The following CDH18 variants were observed in gnomAD, a reference collection of about 807,000 sequenced individuals.
CDH18 encodes cadherin-18.
CDH18 carries 31 observed loss-of-function variants against 67.9 expected under a neutral mutation model. The ratio of observed to expected loss-of-function variants is 0.46; its 90% CI spans 0.34 to 0.62. The LOEUF is 0.62. CDH18 is among the 20% of genes least tolerant of loss of function. CDH18 has a pLI of 0.01. For missense variants in CDH18, 890 were observed against 975.5 expected, an observed-to-expected ratio of 0.91 and a Z score of 1.17; for synonymous variants, 362 against 347.2, an observed-to-expected ratio of 1.04 and a Z score of -0.48.
chr5:19,489,305 T>C (rs1249808692), intron 11 of CDH18, among the ~76,000 whole-genome samples: 1 of 149,392 alleles, frequency 6.7e-6, no homozygotes, highest in Non-Finnish European at 1.5e-5. Context: ...TGGAGTGCAG[T>C]GGTGCAATCT....
At chr5:19,474,786 T>A (rs865927241) in intron 12 of CDH18, among the ~76,000 whole-genome samples, 1 of 152,122 alleles carries the variant, frequency 6.6e-6, no homozygotes, top group Non-Finnish European at 1.5e-5. Context: ...TCTTGCTAAA[T>A]ATGGTGGATT....
intron 1 of CDH18, among the ~76,000 whole-genome samples, chr5:20,529,537 C>T (rs1054415644): frequency 8.6e-5 from 13 of 152,038 alleles, no homozygotes; most frequent in Non-Finnish European, 1.5e-4. Context: ...AAAGCTTATC[C>T]ACCACAATCA....
In CDH18 at chr5:19,667,507, TAC is replaced by T. The variant is rs35326145; in HGVS notation, c.643+53838_643+53839del. Among the ~76,000 whole-genome samples, 911 of 129,234 alleles carry T rather than the reference TAC, an allele frequency of 7.0e-3. 10 individuals carry two copies. The highest frequency in any genetic ancestry group is 0.024 in the African/African-American group (783 of 32,782). 84.8% of individuals were successfully genotyped at this position (129,234 alleles called of 152,430 possible). A position where few individuals can be genotyped will look rare whatever the true frequency, so the allele number is the denominator to read the frequency against. On this transcript the variant is annotated intron_variant, in intron 5 of 12. Coordinates refer to ENST00000382275, the MANE Select transcript of CDH18 (RefSeq NM_004934.5). ...TATATATGTTATATATATATATATA[TAC>T]ACACACACACACACACACACATACA...
intron 11 of CDH18, among the ~76,000 whole-genome samples, chr5:19,483,773 A>T (rs938961580): frequency 2.2e-4 from 33 of 152,204 alleles, no homozygotes; most frequent in African/African-American, 7.7e-4. Context: ...AAGATGAAAG[A>T]AAATAGTGGG....
At chr5:20,567,738 T>A (rs1012898987) in intron 1 of CDH18, among the ~76,000 whole-genome samples, 34 of 152,248 alleles carry the variant, frequency 2.2e-4, no homozygotes, top group African/African-American at 7.9e-4. Context: ...AGAGCCTCAG[T>A]CCCAGTCCAG....
At chr5:20,453,279 G>A (rs1173755776) in intron 1 of CDH18, among the ~76,000 whole-genome samples, 4 of 152,082 alleles carry the variant, frequency 2.6e-5, no homozygotes, top group Non-Finnish European at 4.4e-5. Flanking sequence ...AAGCTGCCCC[G>A]TCACTTTTAT....
intron 1 of CDH18, among the ~76,000 whole-genome samples, chr5:20,481,806 A>G (rs551458175): frequency 6.6e-6 from 1 of 152,178 alleles, no homozygotes; most frequent in South Asian, 2.1e-4. Flanking sequence ...TGACAGTAGG[A>G]CTAAGAGGAA....
intron 3 of CDH18, among the ~76,000 whole-genome samples, chr5:19,762,763 A>T (rs1361299025): frequency 1.3e-5 from 2 of 152,194 alleles, no homozygotes; most frequent in African/African-American, 4.8e-5. Flanking sequence ...CACCCAAAGG[A>T]TTATAAATCA....
intron 6 of CDH18, among the ~76,000 whole-genome samples, chr5:19,607,987 G>T (rs1580464786): frequency 6.6e-6 from 1 of 151,242 alleles, no homozygotes; most frequent in East Asian, 1.9e-4. Context: ...GCATCCAATA[G>T]CATGGTTTAA....
intron 2 of CDH18, among the ~76,000 whole-genome samples, chr5:20,081,042 T>C (rs1744426991): frequency 6.6e-6 from 1 of 152,130 alleles, no homozygotes; most frequent in African/African-American, 2.4e-5. Flanking sequence ...TATCACCAAG[T>C]ACTATGGCTG....
intron 2 of CDH18, among the ~76,000 whole-genome samples, chr5:20,254,266 C>T (rs1291836203): frequency 6.6e-6 from 1 of 152,096 alleles, no homozygotes; most frequent in African/African-American, 2.4e-5. Flanking sequence ...GCACGTGCCA[C>T]CACACCTAGC....
At chr5:19,629,352 G>T (rs1752064014) in intron 5 of CDH18, among the ~76,000 whole-genome samples, 1 of 152,106 alleles carries the variant, frequency 6.6e-6, no homozygotes, top group Non-Finnish European at 1.5e-5. Context: ...AAGTCTGATG[G>T]AAAGTTGAAC....
intron 6 of CDH18, among the ~76,000 whole-genome samples, chr5:19,595,778 A>T (rs570041404): frequency 6.6e-6 from 1 of 152,354 alleles, no homozygotes; most frequent in South Asian, 2.1e-4. Flanking sequence ...TTTCATAAGC[A>T]TTGGAGAATA....
chr5:20,063,832 T>TA (rs1438713994), intron 2 of CDH18, among the ~76,000 whole-genome samples: 1 of 152,160 alleles, frequency 6.6e-6, no homozygotes, highest in Non-Finnish European at 1.5e-5. Flanking sequence ...AGCATGGAGC[T>TA]AGCCCCAAAC....
In CDH18 at chr5:20,255,435, A is replaced by C. The variant is rs541775561; in HGVS notation, c.-518+9T>G. The stretch of plus-strand genomic sequence containing the variant: ...ATTAATAATTTATAAGAGAAAGTAT[A>C]AGTTTTACCTTTTAAATCACTTCAG... On this transcript the variant is annotated intron_variant, in intron 2 of 14. Coordinates refer to the CDH18 transcript ENST00000507958. The C allele has an allele frequency of 1.4e-4, 22 of 152,254 alleles. No homozygotes were observed. The South Asian group carries it at 4.3e-3, about 30-fold the overall frequency. 9.4% of individuals were successfully genotyped at this position (152,254 alleles called of 1,614,324 possible). A position where few individuals can be genotyped will look rare whatever the true frequency, so the allele number is the denominator to read the frequency against.
intron 2 of CDH18, among the ~76,000 whole-genome samples, chr5:20,041,877 T>C (rs955692339): frequency 7.9e-5 from 12 of 152,336 alleles, no homozygotes; most frequent in Middle Eastern, 6.8e-3. Context: ...AATATCACAC[T>C]TGGTAACAGA....
chr5:20,404,469 A>G (rs906713529), intron 1 of CDH18, among the ~76,000 whole-genome samples: 5 of 152,102 alleles, frequency 3.3e-5, no homozygotes, highest in African/African-American at 9.7e-5. Flanking sequence ...TTGAACACTT[A>G]GAGGCCATTA....
intron 2 of CDH18, among the ~76,000 whole-genome samples, chr5:20,103,045 C>A (rs1746609401): frequency 6.6e-6 from 1 of 152,164 alleles, no homozygotes; most frequent in Non-Finnish European, 1.5e-5. Flanking sequence ...AGTCCAAATT[C>A]TAGTACTCAG....
At chr5:20,500,245 C>T (rs1754176897) in intron 1 of CDH18, among the ~76,000 whole-genome samples, 1 of 152,008 alleles carries the variant, frequency 6.6e-6, no homozygotes, top group African/African-American at 2.4e-5. Flanking sequence ...TGGAGAAGTA[C>T]ATTTAAATAA....
Sources: gnomAD v4.1 joint callset for allele counts (sites outside exome capture counted in the v4.1 genomes callset) on GRCh38, gnomAD v4.1.1 for gene constraint, MANE v1.5 for transcripts, NCBI Gene and HGNC (gene_info 2026-07-23, HGNC 2026-07-21) for gene names.